The following CNNM2 variants were observed in gnomAD, a reference collection of about 807,000 sequenced individuals.
The protein encoded by CNNM2 is cyclin and CBS domain divalent metal cation transport mediator 2.
In CNNM2, 12 loss-of-function variants were observed where a neutral mutation model predicts 66.9. That is an observed-to-expected ratio of 0.18 (90% confidence interval 0.11 to 0.29). The LOEUF is 0.29. Ranked by LOEUF, CNNM2 falls within the 10% of genes least tolerant of loss-of-function variation. The probability of loss-of-function intolerance (pLI) is 1.00; values close to 1 mark genes in which losing one functional copy is unlikely to be tolerated. For synonymous variants in CNNM2, 557 were observed against 501.8 expected (o/e 1.11, Z -1.47); for missense variants, 705 against 1,167.7 (o/e 0.60, Z 5.77).
In CNNM2 at chr10:103,076,109, C is replaced by T. The variant is rs1239783831; in HGVS notation, c.2257C>T (p.Pro753Ser). ...AGGTGAAAATAAGTCCCCTCCTCGC[C>T]CATGTGGCTTGAATCACTCAGACTC... Reference protein sequence around the residue: ...SPGENKSPPRPCGLNHSDSLS... With the variant: ...SPGENKSPPRSCGLNHSDSLS... The change falls in exon 7 of 8, where the codon CCA becomes TCA. Residue 753 changes from proline (P) to serine (S), a missense_variant. Around this residue, in one of 9 missense-constraint regions of CNNM2, gnomAD observed 194 missense variants for 227.6 expected, o/e 0.85. Transcript: ENST00000369878. 3.7e-6 allele frequency: 6 copies of T among 1,611,946 alleles called. No individual in the cohort carries two copies. The highest frequency in any genetic ancestry group is 5.1e-6 in the Non-Finnish European group (6 of 1,179,042).
At chr10:102,970,127 A>C (rs1190691379) in intron 1 of CNNM2, among the ~76,000 whole-genome samples, 2 of 152,182 alleles carry the variant, frequency 1.3e-5, no homozygotes, top group Non-Finnish European at 2.9e-5. Flanking sequence ...AGGAGTAAAG[A>C]ATTTTATTTT....
intron 1 of CNNM2, among the ~76,000 whole-genome samples, chr10:102,966,207 TAAAC>T (rs1263946003): frequency 6.6e-6 from 1 of 152,220 alleles, no homozygotes; most frequent in African/African-American, 2.4e-5. Context: ...CTGGAATAAA[TAAAC>T]TAGAACTGTT....
Position 103,075,998 on chromosome 10 carries a change from A to T in CNNM2, c.2234-88A>T, listed in dbSNP as rs2065683693. The T allele has an allele frequency of 2.4e-6, 3 of 1,228,108 alleles. No individual in the cohort carries two copies. The South Asian group carries it at 4.5e-5, about 18-fold the overall frequency. 76.1% of individuals were successfully genotyped at this position (1,228,108 alleles called of 1,614,324 possible). A position where few individuals can be genotyped will look rare whatever the true frequency, so the allele number is the denominator to read the frequency against. On this transcript the variant is annotated intron_variant, in intron 6 of 7. Transcript: ENST00000369878. The stretch of plus-strand genomic sequence containing the variant: ...AATCAGTTGGCTGGGCTTGTGTGGC[A>T]TTTAGTATTTTTTATTTTGGAAAAT...
chr10:103,012,960 A>G (rs1376606341), intron 1 of CNNM2, among the ~76,000 whole-genome samples: 1 of 152,148 alleles, frequency 6.6e-6, no homozygotes, highest in Non-Finnish European at 1.5e-5. Flanking sequence ...ACCATATGAA[A>G]TAAGTAAGCC....
In CNNM2 at chr10:103,090,013, T is replaced by G; in HGVS notation, c.*12833T>G. On this transcript the variant is annotated 3_prime_UTR_variant, in exon 8 of 8. Coordinates refer to ENST00000369878, the MANE Select transcript of CNNM2 (RefSeq NM_017649.5). ...TTAGGTGGCCATGCAATTACATCTA[T>G]AATGGACCACAGGACAAGTCAATAT... 1 of 809,420 alleles carries G rather than the reference T, an allele frequency of 1.2e-6. No homozygotes were observed. Among genetic ancestry groups the G allele is most frequent in the Non-Finnish European group, 1.9e-6 (1 of 524,596 alleles). The allele number at this position is 809,420 out of a possible 1,614,324, so 50.1% of individuals were successfully genotyped here.
At chr10:102,997,952 A>T (rs12764154) in intron 1 of CNNM2, among the ~76,000 whole-genome samples, 1 of 152,054 alleles carries the variant, frequency 6.6e-6, no homozygotes, top group Non-Finnish European at 1.5e-5. Context: ...GAGAATAAAA[A>T]GTCATGTTTA....
chr10:102,959,187 G>A (rs1473784535), intron 1 of CNNM2, among the ~76,000 whole-genome samples: 1 of 151,836 alleles, frequency 6.6e-6, no homozygotes, highest in Non-Finnish European at 1.5e-5. Flanking sequence ...ACCCGCCTTA[G>A]TCTCCCAAAG....
At position 102,939,480 on chromosome 10, in the gene CNNM2, G is replaced by C. The variant is rs545002799; in HGVS notation, c.1621+19379G>C. 2.8e-4 allele frequency among the ~76,000 whole-genome samples: 42 copies of C among 152,184 alleles called. 1 individual carries two copies. In the South Asian group the frequency reaches 5.2e-3, roughly 19 times the overall value. On this transcript the variant is annotated intron_variant, in intron 1 of 7. Coordinates refer to ENST00000369878, the MANE Select transcript of CNNM2 (RefSeq NM_017649.5). ...CTTGGCCCCTTTACTGTTTTTAGCTGTAGGTGAGGACCACTCTTCAGGTTG... is the reference window on the plus strand; with the variant it reads ...CTTGGCCCCTTTACTGTTTTTAGCTCTAGGTGAGGACCACTCTTCAGGTTG...
intron 1 of CNNM2, among the ~76,000 whole-genome samples, chr10:103,013,550 G>A (rs1271702560): frequency 6.6e-6 from 1 of 152,162 alleles, no homozygotes; most frequent in Non-Finnish European, 1.5e-5. Flanking sequence ...AGGTGTGACT[G>A]ACTGCAGGAC....
Position 103,076,297 on chromosome 10 carries a change from G to A in CNNM2, c.2418+27G>A, listed in dbSNP as rs147938365. Reference sequence around the variant, plus strand: ...TGAGAGACGTGAGTGCAGTGTGGCTGGACCTGGCAGTTAGTTGTCAACTTC... The same window carrying A: ...TGAGAGACGTGAGTGCAGTGTGGCTAGACCTGGCAGTTAGTTGTCAACTTC... On this transcript the variant is annotated intron_variant, in intron 7 of 7. Transcript: ENST00000369878. The A allele has an allele frequency of 5.1e-5, 79 of 1,548,494 alleles. No individual in the cohort carries two copies. In the East Asian group the frequency reaches 1.8e-3, roughly 35 times the overall value.
chr10:102,925,793 G>A (rs1845839482), intron 1 of CNNM2, among the ~76,000 whole-genome samples: 1 of 152,186 alleles, frequency 6.6e-6, no homozygotes, highest in Non-Finnish European at 1.5e-5. Flanking sequence ...TAGAAAATAA[G>A]TCCAAGTGTG....
chr10:103,038,411 C>T (rs766616592), intron 1 of CNNM2, among the ~76,000 whole-genome samples: 3 of 152,204 alleles, frequency 2.0e-5, no homozygotes, highest in African/African-American at 2.4e-5. Flanking sequence ...GACTTGTCTA[C>T]TTTGCTTCTC....
chr10:103,033,329 C>T (rs1233272208), intron 1 of CNNM2, among the ~76,000 whole-genome samples: 2 of 151,952 alleles, frequency 1.3e-5, no homozygotes, highest in African/African-American at 2.4e-5. Flanking sequence ...GTTGGGACTA[C>T]AGGCGCCCAC....
chr10:103,002,470 G>C (rs552771256), intron 1 of CNNM2, among the ~76,000 whole-genome samples: 2 of 147,650 alleles, frequency 1.4e-5, no homozygotes, highest in African/African-American at 5.0e-5. Context: ...TGGCTGACAA[G>C]ACTGGAATCT....
intron 1 of CNNM2, among the ~76,000 whole-genome samples, chr10:102,940,005 A>C (rs940516285): frequency 8.6e-5 from 13 of 150,976 alleles, no homozygotes; most frequent in African/African-American, 1.7e-4. Context: ...AACAACAAAA[A>C]AAAAACCGCC....
intron 6 of CNNM2, among the ~76,000 whole-genome samples, chr10:103,075,176 G>A (rs1464237457): frequency 6.6e-6 from 1 of 152,218 alleles, no homozygotes; most frequent in East Asian, 1.9e-4. Context: ...AGCTGTCAGG[G>A]ACACATTGCA....
At chr10:103,047,161 A>G (rs184985815) in intron 1 of CNNM2, among the ~76,000 whole-genome samples, 20 of 152,328 alleles carry the variant, frequency 1.3e-4, no homozygotes, top group African/African-American at 4.6e-4. Flanking sequence ...TAACTTTCCA[A>G]TGGAGAAACC....
chr10:103,064,732 C>T (rs2065447349), intron 4 of CNNM2, among the ~76,000 whole-genome samples: 1 of 152,118 alleles, frequency 6.6e-6, no homozygotes, highest in South Asian at 2.1e-4. Context: ...GCCAGCTACT[C>T]AGGAGGCTGA....
At chr10:102,966,801 G>A (rs953863721) in intron 1 of CNNM2, among the ~76,000 whole-genome samples, 4 of 152,164 alleles carry the variant, frequency 2.6e-5, no homozygotes, top group African/African-American at 4.8e-5. Context: ...TAAAGGAGAC[G>A]AAGATACATG....
Sources: allele counts gnomAD v4.1 joint callset (sites outside exome capture counted in the v4.1 genomes callset), GRCh38; gene constraint gnomAD v4.1.1; regional missense constraint gnomAD v4.1.1; transcripts MANE v1.5; gene names NCBI Gene and HGNC (gene_info 2026-07-23, HGNC 2026-07-21).